The following ERGIC1 variants were observed in gnomAD, a reference collection of about 807,000 sequenced individuals.
ERGIC1 encodes the protein endoplasmic reticulum-Golgi intermediate compartment protein 1.
In ERGIC1, 19 loss-of-function variants were observed where a neutral mutation model predicts 38.3. That is an observed-to-expected ratio of 0.50 (90% CI 0.35 to 0.73). The LOEUF is 0.73. Ranked by LOEUF, ERGIC1 falls within the 30% of genes least tolerant of loss-of-function variation. The pLI, the probability that ERGIC1 is intolerant of heterozygous loss-of-function variation, is 0.01. For synonymous variants in ERGIC1, 124 were observed against 157.6 expected (o/e 0.79, Z 1.60); for missense variants, 294 against 389.2 (o/e 0.76, Z 2.06).
intron 1 of ERGIC1, among the ~76,000 whole-genome samples, chr5:172,847,934 A>G (rs1174365718): frequency 6.6e-6 from 1 of 152,284 alleles, no homozygotes. Context: ...CTCCTGCTGT[A>G]AATTGATACA....
At chr5:172,856,761 G>A (rs1436901820) in intron 1 of ERGIC1, among the ~76,000 whole-genome samples, 1 of 152,168 alleles carries the variant, frequency 6.6e-6, no homozygotes, top group African/African-American at 2.4e-5. Context: ...AGATGACTGC[G>A]CCTTATCAGA....
intron 1 of ERGIC1, among the ~76,000 whole-genome samples, chr5:172,888,374 C>T (rs768343839): frequency 1.3e-5 from 2 of 152,004 alleles, no homozygotes; most frequent in Non-Finnish European, 2.9e-5. Flanking sequence ...ACACGAGACT[C>T]ACTTGAACCT....
chr5:172,873,275 T>TG (rs534220660), intron 1 of ERGIC1, among the ~76,000 whole-genome samples: 3 of 152,310 alleles, frequency 2.0e-5, no homozygotes, highest in Middle Eastern at 3.4e-3. Flanking sequence ...TGGAAACACT[T>TG]GGGGGGCCCT....
rs201984304 is a variant in ERGIC1 at position 172,905,195 on chromosome 5, AG to A, written c.156-4471del. On this transcript the variant is annotated intron_variant, in intron 3 of 9. Coordinates refer to ENST00000393784, the MANE Select transcript of ERGIC1 (RefSeq NM_001031711.3). ...CCAGCCTCGCCAGGTGGGAAAGGTGAGTTGCTTCAAGGAAGAGTCTCAGGCA... is the reference window on the plus strand; with the variant it reads ...CCAGCCTCGCCAGGTGGGAAAGGTGATTGCTTCAAGGAAGAGTCTCAGGCA... 1,784 of 244,366 alleles carry A rather than the reference AG, an allele frequency of 7.3e-3. 28 individuals are homozygous for A. The highest frequency in any genetic ancestry group is 0.037 in the African/African-American group (1,677 of 45,506). 15.1% of individuals were successfully genotyped at this position (244,366 alleles called of 1,614,324 possible).
At chr5:172,949,988 C>G (rs548142808) in intron 9 of ERGIC1, among the ~76,000 whole-genome samples, 79 of 152,214 alleles carry the variant, frequency 5.2e-4, no homozygotes, top group Non-Finnish European at 9.0e-4. Context: ...CAGGAGAATG[C>G]CGTGAACCCG....
chr5:172,848,660 G>C (rs1761335300), intron 1 of ERGIC1, among the ~76,000 whole-genome samples: 1 of 152,174 alleles, frequency 6.6e-6, no homozygotes, highest in South Asian at 2.1e-4. Context: ...GGATCCTGGT[G>C]CTGAGCCAGC....
chr5:172,905,669 G>T (rs1049055750), intron 3 of ERGIC1, among the ~76,000 whole-genome samples: 9 of 152,262 alleles, frequency 5.9e-5, no homozygotes, highest in Non-Finnish European at 1.2e-4. Context: ...GGATCCAGAG[G>T]GGTGGAAGTC....
chr5:172,935,633 T>A, intron 9 of ERGIC1: 1 of 262,360 alleles, frequency 3.8e-6, no homozygotes, highest in Non-Finnish European at 7.4e-6. Flanking sequence ...TTATGGAAAT[T>A]ATTCTTAGCA....
At chr5:172,836,444 T>C (rs568238303) in intron 1 of ERGIC1, among the ~76,000 whole-genome samples, 142 of 152,296 alleles carry the variant, frequency 9.3e-4, no homozygotes, top group African/African-American at 3.3e-3. Context: ...TAGGAAATAC[T>C]CTCAGGGCTT....
intron 3 of ERGIC1, among the ~76,000 whole-genome samples, chr5:172,907,063 T>C (rs1026873348): frequency 1.3e-5 from 2 of 152,096 alleles, no homozygotes; most frequent in African/African-American, 4.8e-5. Flanking sequence ...CCCAGTCCCA[T>C]CCATCAGCAA....
chr5:172,874,292 G>C (rs1054177896), intron 1 of ERGIC1, among the ~76,000 whole-genome samples: 1 of 151,908 alleles, frequency 6.6e-6, no homozygotes, highest in Non-Finnish European at 1.5e-5. Context: ...TGTTGGCCAG[G>C]CTGGTCTTGA....
At chr5:172,919,371 CA>C (rs1436288457) in intron 5 of ERGIC1, among the ~76,000 whole-genome samples, 1 of 152,236 alleles carries the variant, frequency 6.6e-6, no homozygotes, top group Non-Finnish European at 1.5e-5. Flanking sequence ...ATATGTACCC[CA>C]GATGGTGACC....
At position 172,932,481 on chromosome 5, in the gene ERGIC1, A is replaced by C; in HGVS notation, c.587A>C (p.Tyr196Ser). The change falls in exon 8 of 10, where the codon TAT (tyrosine) becomes TCT (serine). Residue 196 changes from tyrosine (Y) to serine (S), a missense_variant. Physicochemically the swap from Tyr to Ser is moderately radical, Grantham distance 144. This residue lies in a region of ERGIC1 where 109 missense variants were observed against 112.7 expected (regional missense o/e 0.97). Transcript: ENST00000393784. Reference protein sequence around the residue: ...DYILKIVPTVYEDKSGKQRYS... With the variant: ...DYILKIVPTVSEDKSGKQRYS... ...ATCCTGAAGATTGTGCCCACGGTTT[A>C]TGAGGACAAGAGTGGCAAGCAGCGG... 1 of 1,614,176 alleles carries C rather than the reference A, an allele frequency of 6.2e-7. No individual in the cohort carries two copies. The highest frequency in any genetic ancestry group is 8.5e-7 in the Non-Finnish European group (1 of 1,180,034).
Position 172,839,240 on chromosome 5 carries a change from C to CAA in ERGIC1, c.20+4826_20+4827dup, listed in dbSNP as rs1265161853. Among the ~76,000 whole-genome samples the CAA allele has an allele frequency of 1.7e-3, 121 of 71,084 alleles. 1 individual carries two copies. The highest frequency in any genetic ancestry group is 5.1e-3 in the African/African-American group (96 of 18,956). 46.6% of individuals were successfully genotyped at this position (71,084 alleles called of 152,430 possible). A position where few individuals can be genotyped will look rare whatever the true frequency, so the allele number is the denominator to read the frequency against. On this transcript the variant is annotated intron_variant, in intron 1 of 9. Transcript: ENST00000393784. ...TGGCCAACAGAGCGAGACTCTGTCT[C>CAA]AAAAAAAAAAAAAAAAAAAAGTATA...
intron 5 of ERGIC1, among the ~76,000 whole-genome samples, chr5:172,920,204 A>G (rs1185258678): frequency 1.3e-5 from 2 of 152,000 alleles, no homozygotes; most frequent in East Asian, 3.9e-4. Flanking sequence ...CCCCCACCCC[A>G]GCCCAGCCAC....
In ERGIC1 at chr5:172,869,656, T is replaced by G. The variant is rs943939033; in HGVS notation, c.21-19043T>G. On this transcript the variant is annotated intron_variant, in intron 1 of 9. Transcript: ENST00000393784. ...GAATCACTGTAAAAATCAAATTTTCTTATCCACTTGCATTATTGGTTTAGA... is the reference window on the plus strand; with the variant it reads ...GAATCACTGTAAAAATCAAATTTTCGTATCCACTTGCATTATTGGTTTAGA... 2.6e-5 allele frequency among the ~76,000 whole-genome samples: 4 copies of G among 152,252 alleles called. No individual in the cohort carries two copies. The East Asian group carries it at 7.7e-4, about 29-fold the overall frequency.
intron 3 of ERGIC1, chr5:172,897,966 T>C (rs1762765164): frequency 2.4e-6 from 1 of 413,424 alleles, no homozygotes; most frequent in Admixed American, 4.4e-5. Flanking sequence ...TGTAACAGAA[T>C]GCCATTAGGA....
chr5:172,844,466 A>G (rs774450475), intron 1 of ERGIC1, among the ~76,000 whole-genome samples: 22 of 152,252 alleles, frequency 1.4e-4, no homozygotes, highest in Non-Finnish European at 2.9e-4. Flanking sequence ...AGGGCTGACG[A>G]TAGCCTATGA....
chr5:172,935,620 T>C (rs1279218345), intron 9 of ERGIC1: 2 of 293,732 alleles, frequency 6.8e-6, no homozygotes, highest in Non-Finnish European at 1.3e-5. Context: ...CAGCTTTTTA[T>C]TGTTATGGAA....
Sources: allele counts gnomAD v4.1 joint callset (sites outside exome capture counted in the v4.1 genomes callset), GRCh38; gene constraint gnomAD v4.1.1; regional missense constraint gnomAD v4.1.1; transcripts MANE v1.5; gene names NCBI Gene and HGNC (gene_info 2026-07-23, HGNC 2026-07-21).